CADM2: variants seen among roughly 807,000 people sequenced by gnomAD.
The protein encoded by CADM2 is immunoglobulin superfamily member 4D.
In CADM2, 12 loss-of-function variants were observed where a neutral mutation model predicts 49.8. The observed-to-expected ratio is 0.24, with a 90% CI of 0.15 to 0.39. The LOEUF is 0.39. Among genes scored for constraint, CADM2 ranks in the 10% least tolerant of loss-of-function variants. The pLI, the probability that CADM2 is intolerant of heterozygous loss-of-function variation, is 1.00. For missense variants in CADM2, 378 were observed against 492.3 expected, an observed-to-expected ratio of 0.77 and a Z score of 2.20; for synonymous variants, 214 against 175.4, an observed-to-expected ratio of 1.22 and a Z score of -1.74.
chr3:85,947,431 A>G (rs1467435289), intron 7 of CADM2, among the ~76,000 whole-genome samples: 1 of 151,436 alleles, frequency 6.6e-6, no homozygotes, highest in African/African-American at 2.4e-5. Context: ...GTTCTGATAT[A>G]TAGAGAAATG....
rs542856624 is a variant in CADM2, at chr3:85,416,155, T to C, written c.62-310367T>C. On this transcript the variant is annotated intron_variant, in intron 1 of 9. Transcript: ENST00000383699. ...AAAATAAAATTGTATTCTTTTGTAA[T>C]GTGAATAAAGCTCAGTTGTTTAAAA... Among the ~76,000 whole-genome samples, 18 of 152,256 alleles carry C rather than the reference T, an allele frequency of 1.2e-4. No individual in the cohort carries two copies. The South Asian group carries it at 2.9e-3, about 25-fold the overall frequency.
intron 1 of CADM2, among the ~76,000 whole-genome samples, chr3:85,482,305 G>A (rs2039246135): frequency 6.6e-6 from 1 of 151,710 alleles, no homozygotes; most frequent in Non-Finnish European, 1.5e-5. Flanking sequence ...TAATAAAACA[G>A]TTTGGGTTTA....
intron 2 of CADM2, among the ~76,000 whole-genome samples, chr3:85,783,836 T>A (rs1325637855): frequency 6.6e-6 from 1 of 152,170 alleles, no homozygotes; most frequent in Non-Finnish European, 1.5e-5. Flanking sequence ...ACCCTCAAAC[T>A]TGAGAAGTTG....
chr3:85,781,737 T>C (rs753089470), intron 2 of CADM2, among the ~76,000 whole-genome samples: 1 of 152,214 alleles, frequency 6.6e-6, no homozygotes, highest in Non-Finnish European at 1.5e-5. Flanking sequence ...ATAATGCCTC[T>C]GTCTCAGGGC....
intron 1 of CADM2, among the ~76,000 whole-genome samples, chr3:85,596,655 C>T (rs2063248578): frequency 6.6e-6 from 1 of 151,850 alleles, no homozygotes; most frequent in Non-Finnish European, 1.5e-5. Context: ...GCCCAGTTAA[C>T]AAGGCAGATT....
chr3:85,318,625 CT>C (rs923853032), intron 1 of CADM2, among the ~76,000 whole-genome samples: 1 of 152,096 alleles, frequency 6.6e-6, no homozygotes, highest in Non-Finnish European at 1.5e-5. Flanking sequence ...CCTTCAGAAT[CT>C]TTAGGGATTC....
intron 1 of CADM2, among the ~76,000 whole-genome samples, chr3:85,281,704 T>A (rs1020913932): frequency 6.6e-6 from 1 of 152,162 alleles, no homozygotes; most frequent in African/African-American, 2.4e-5. Context: ...ATTTGACTGC[T>A]AAATCTATCT....
chr3:85,688,635 T>G (rs2107674926), intron 1 of CADM2, among the ~76,000 whole-genome samples: 1 of 151,726 alleles, frequency 6.6e-6, no homozygotes, highest in Admixed American at 6.6e-5. Flanking sequence ...GGGCATGATC[T>G]TATCTCACTG....
At chr3:85,296,454 C>A (rs145759549) in intron 1 of CADM2, among the ~76,000 whole-genome samples, 15 of 151,658 alleles carry the variant, frequency 9.9e-5, no homozygotes, top group Non-Finnish European at 1.6e-4. Flanking sequence ...GAATGGTAGA[C>A]CTGCTGTCCC....
chr3:85,985,431 C>T (rs1314668569), intron 8 of CADM2, among the ~76,000 whole-genome samples: 1 of 151,890 alleles, frequency 6.6e-6, no homozygotes, highest in Admixed American at 6.6e-5. Flanking sequence ...CATTTGTGTC[C>T]TCAGGAGGAC....
intron 3 of CADM2, among the ~76,000 whole-genome samples, chr3:85,850,509 TAG>T (rs2075064428): frequency 1.3e-5 from 2 of 151,858 alleles, no homozygotes; most frequent in Admixed American, 6.6e-5. Context: ...TATTTTTTTT[TAG>T]TAGAGACGGG....
intron 1 of CADM2, among the ~76,000 whole-genome samples, chr3:85,672,288 G>C (rs560677262): frequency 1.3e-3 from 193 of 151,334 alleles, no homozygotes; most frequent in African/African-American, 4.4e-3. Context: ...CGCCTCCCGG[G>C]TTCACGCCAT....
chr3:85,422,882 C>T (rs2036238834), intron 1 of CADM2, among the ~76,000 whole-genome samples: 1 of 151,898 alleles, frequency 6.6e-6, no homozygotes, highest in Non-Finnish European at 1.5e-5. Context: ...CTCTTTTAGC[C>T]CTGTCATCCG....
chr3:85,579,098 A>G (rs545647804), intron 1 of CADM2, among the ~76,000 whole-genome samples: 65 of 152,158 alleles, frequency 4.3e-4, no homozygotes, highest in Non-Finnish European at 8.5e-4. Flanking sequence ...TTTTCTAGGT[A>G]CCTCTGGATC....
chr3:86,046,828 A>G (rs976218772), intron 8 of CADM2, among the ~76,000 whole-genome samples: 1 of 122,170 alleles, frequency 8.2e-6, no homozygotes, highest in Non-Finnish European at 1.7e-5. Flanking sequence ...AGTGAGTGTT[A>G]GCTTTTTCTT....
chr3:85,052,907 G>T (rs897422320), intron 1 of CADM2, among the ~76,000 whole-genome samples: 1 of 151,950 alleles, frequency 6.6e-6, no homozygotes, highest in Non-Finnish European at 1.5e-5. Context: ...TTTCTTGTTT[G>T]TTCTAATTTC....
chr3:85,140,198 C>A (rs1413168969), intron 1 of CADM2, among the ~76,000 whole-genome samples: 2 of 152,154 alleles, frequency 1.3e-5, no homozygotes, highest in Non-Finnish European at 2.9e-5. Context: ...GGATCACGTA[C>A]AGTTACTATA....
intron 8 of CADM2, among the ~76,000 whole-genome samples, chr3:85,977,619 GTTA>G (rs1726955636): frequency 6.6e-6 from 1 of 151,516 alleles, no homozygotes; most frequent in African/African-American, 2.4e-5. Flanking sequence ...GAAATAAGGA[GTTA>G]TTATAACAAT....
chr3:85,557,842 T>C (rs533667588), intron 1 of CADM2, among the ~76,000 whole-genome samples: 1 of 152,180 alleles, frequency 6.6e-6, no homozygotes, highest in South Asian at 2.1e-4. Context: ...TCCACAAGAC[T>C]TGATCCTTCA....
Sources: gnomAD v4.1 joint callset for allele counts (sites outside exome capture counted in the v4.1 genomes callset) on GRCh38, gnomAD v4.1.1 for gene constraint, MANE v1.5 for transcripts, NCBI Gene and HGNC (gene_info 2026-07-23, HGNC 2026-07-21) for gene names.